DDX10: variants seen among roughly 807,000 people sequenced by gnomAD.
DDX10 encodes the protein probable ATP-dependent RNA helicase DDX10.
In DDX10, 74 loss-of-function variants were observed where a neutral mutation model predicts 104.3. The ratio of observed to expected loss-of-function variants is 0.71; its 90% confidence interval spans 0.59 to 0.86. The LOEUF (loss-of-function observed/expected upper bound fraction) is 0.86, where lower values mean the gene tolerates loss of function less well. Ranked by LOEUF, DDX10 falls within the 40% of genes least tolerant of loss-of-function variation. The probability of loss-of-function intolerance (pLI) is 0.00; values close to 1 mark genes in which losing one functional copy is unlikely to be tolerated. For missense variants in DDX10, 952 were observed against 1,040.0 expected (o/e 0.92, Z 1.16); for synonymous variants, 351 against 353.4 (o/e 0.99, Z 0.08).
intron 13 of DDX10, among the ~76,000 whole-genome samples, chr11:108,775,116 T>G (rs2094368222): frequency 6.6e-6 from 1 of 152,240 alleles, no homozygotes; most frequent in Non-Finnish European, 1.5e-5. Flanking sequence ...TGGTTGGTAT[T>G]GCCAAATGCA....
chr11:108,754,694 T>C (rs1261772232), intron 13 of DDX10, among the ~76,000 whole-genome samples: 1 of 151,970 alleles, frequency 6.6e-6, no homozygotes, highest in Non-Finnish European at 1.5e-5. Context: ...ACACTGTACA[T>C]CTAGAATCTA....
intron 9 of DDX10, among the ~76,000 whole-genome samples, chr11:108,701,396 G>A (rs1030700912): frequency 3.9e-5 from 6 of 152,100 alleles, no homozygotes; most frequent in African/African-American, 1.2e-4. Context: ...AAAAAGAGAG[G>A]ACTGTGCGAT....
chr11:108,937,427 A>C (rs1440694817), intron 17 of DDX10, among the ~76,000 whole-genome samples: 1 of 152,262 alleles, frequency 6.6e-6, no homozygotes, highest in African/African-American at 2.4e-5. Flanking sequence ...CAGAAAATTT[A>C]GAAATTCAGA....
At chr11:108,912,674 A>T (rs757940656) in intron 16 of DDX10, among the ~76,000 whole-genome samples, 1 of 152,172 alleles carries the variant, frequency 6.6e-6, no homozygotes, top group African/African-American at 2.4e-5. Flanking sequence ...CTACAAAGAT[A>T]AAAAAGCTAC....
intron 16 of DDX10, among the ~76,000 whole-genome samples, chr11:108,862,355 A>G (rs1862952990): frequency 6.6e-6 from 1 of 152,160 alleles, no homozygotes; most frequent in Non-Finnish European, 1.5e-5. Flanking sequence ...ATGCGGGTAG[A>G]CGAGATCTCT....
intron 13 of DDX10, among the ~76,000 whole-genome samples, chr11:108,730,678 A>G (rs2094310938): frequency 6.6e-6 from 1 of 152,204 alleles, no homozygotes; most frequent in Non-Finnish European, 1.5e-5. Flanking sequence ...ATGTGAGCAT[A>G]AAAAACTTAC....
intron 10 of DDX10, among the ~76,000 whole-genome samples, chr11:108,709,566 G>A (rs1278076627): frequency 1.3e-5 from 2 of 152,060 alleles, no homozygotes; most frequent in Non-Finnish European, 2.9e-5. Context: ...CAAATATGTG[G>A]GCATAGAGGT....
In DDX10 at chr11:108,714,004, AGAGGCTT is replaced by A. The variant is rs562370050; in HGVS notation, c.1323-1872_1323-1866del. 7.9e-4 allele frequency among the ~76,000 whole-genome samples: 120 copies of A among 152,324 alleles called. 2 individuals carry two copies. In the East Asian group the frequency reaches 0.017, roughly 21 times the overall value. On this transcript the variant is annotated intron_variant, in intron 10 of 17. Transcript: ENST00000322536. ...TCAGTTAGGCTCAGATAAAACCCTA[AGAGGCTT>A]GACTTTCATTAACAAGGCCCACCCT...
At chr11:108,920,169 A>G (rs1471966104) in intron 17 of DDX10, 1 of 152,218 alleles carries the variant, frequency 6.6e-6, no homozygotes, top group African/African-American at 2.4e-5. Flanking sequence ...CAGAATATAG[A>G]TGGAGAGTTG....
intron 15 of DDX10, among the ~76,000 whole-genome samples, chr11:108,844,909 T>G (rs1417051779): frequency 6.6e-6 from 1 of 152,116 alleles, no homozygotes; most frequent in African/African-American, 2.4e-5. Context: ...GAAAAGAGTT[T>G]CTTCCTGCCG....
intron 17 of DDX10, among the ~76,000 whole-genome samples, chr11:108,922,745 A>T (rs1404158031): frequency 6.6e-6 from 1 of 152,262 alleles, no homozygotes; most frequent in Non-Finnish European, 1.5e-5. Context: ...AGTTAGCATG[A>T]CTAAAAGAGA....
chr11:108,905,591 C>T (rs1465744063), intron 16 of DDX10, among the ~76,000 whole-genome samples: 1 of 152,114 alleles, frequency 6.6e-6, no homozygotes, highest in East Asian at 1.9e-4. Flanking sequence ...CCTCTTGCTG[C>T]CTCCTCCTGA....
At chr11:108,692,592 A>T (rs962273935) in intron 8 of DDX10, among the ~76,000 whole-genome samples, 40 of 152,220 alleles carry the variant, frequency 2.6e-4, no homozygotes, top group Non-Finnish European at 1.2e-4. Flanking sequence ...TGAATCCTTC[A>T]GTCACTTAAT....
intron 16 of DDX10, among the ~76,000 whole-genome samples, chr11:108,907,729 G>A (rs936124014): frequency 6.6e-6 from 1 of 152,004 alleles, no homozygotes; most frequent in African/African-American, 2.4e-5. Context: ...TCAAAGTTGG[G>A]GTTTTCAAGT....
At chr11:108,701,670 CT>C (rs2094268149) in intron 9 of DDX10, among the ~76,000 whole-genome samples, 3 of 114,502 alleles carry the variant, frequency 2.6e-5, no homozygotes, top group Admixed American at 2.0e-4. Context: ...CTTTCTTCTT[CT>C]TCTCTTTTTT....
At chr11:108,747,867 G>T (rs2094333747) in intron 13 of DDX10, among the ~76,000 whole-genome samples, 2 of 152,018 alleles carry the variant, frequency 1.3e-5, no homozygotes, top group Admixed American at 1.3e-4. Context: ...TTAGTACCAT[G>T]TTTATCAAAC....
chr11:108,675,238 T>C (rs992895602), intron 2 of DDX10, among the ~76,000 whole-genome samples: 16 of 152,176 alleles, frequency 1.1e-4, no homozygotes, highest in Non-Finnish European at 2.1e-4. Context: ...ACAAATACTT[T>C]TCAAAGTAGT....
intron 13 of DDX10, among the ~76,000 whole-genome samples, chr11:108,750,926 CTTTTTTTTTTTTTTTTTTT>C (rs10582729): frequency 0.14 from 3,485 of 24,276 alleles, 258 homozygotes; most frequent in African/African-American, 0.3. Flanking sequence ...CACCTGGTTA[CTTTTTTTTTTTTTTTTTTT>C]TTTTTTTTTT....
At position 108,913,755 on chromosome 11, in the gene DDX10, C is replaced by T. The variant is rs557756677; in HGVS notation, c.2305-4118C>T. Among the ~76,000 whole-genome samples the T allele has an allele frequency of 1.3e-4, 20 of 152,076 alleles. No individual in the cohort carries two copies. The South Asian group carries it at 2.1e-3, about 16-fold the overall frequency. ...CAGCTAAGAATGTCCATTTTCTTAC[C>T]GTATGTGGCTAGAAAGTACATACTT... On this transcript the variant is annotated intron_variant, in intron 16 of 17. Transcript: ENST00000322536.
Sources: allele counts gnomAD v4.1 joint callset (sites outside exome capture counted in the v4.1 genomes callset), GRCh38; gene constraint gnomAD v4.1.1; transcripts MANE v1.5; gene names NCBI Gene and HGNC (gene_info 2026-07-23, HGNC 2026-07-21).